DCLK1: variants seen among roughly 807,000 people sequenced by gnomAD.
The protein encoded by DCLK1 is doublecortin like kinase 1.
A neutral mutation model predicts 86.2 loss-of-function variants in DCLK1; 16 were observed. The observed-to-expected ratio is 0.19, with a 90% CI of 0.13 to 0.28. The LOEUF is 0.28. Ranked by LOEUF, DCLK1 falls within the 10% of genes least tolerant of loss-of-function variation. The pLI is 1.00. For missense variants in DCLK1, 590 were observed against 940.2 expected, an observed-to-expected ratio of 0.63 and a Z score of 4.87; for synonymous variants, 369 against 370.5, an observed-to-expected ratio of 1.00 and a Z score of 0.05.
chr13:35,779,976 C>G (rs1386652793), intron 16 of DCLK1, among the ~76,000 whole-genome samples: 2 of 142,814 alleles, frequency 1.4e-5, no homozygotes. Flanking sequence ...AAATTTCTTC[C>G]CCGCCCCTGA....
At chr13:35,847,822 T>G in intron 6 of DCLK1, 1 of 985,226 alleles carries the variant, frequency 1.0e-6, no homozygotes, top group South Asian at 4.7e-5. Context: ...CGCACAGGGA[T>G]GTATACAGAT....
intron 3 of DCLK1, among the ~76,000 whole-genome samples, chr13:35,991,391 G>A (rs956964950): frequency 1.3e-5 from 2 of 152,108 alleles, no homozygotes; most frequent in African/African-American, 4.8e-5. Context: ...GCCAGATGTG[G>A]TGGCTCACAT....
At position 36,065,155 on chromosome 13, in the gene DCLK1, C is replaced by T. The variant is rs1435020931; in HGVS notation, c.723+46714G>A. Among the ~76,000 whole-genome samples, 3 of 152,196 alleles carry T rather than the reference C, an allele frequency of 2.0e-5. No individual in the cohort carries two copies. The East Asian group carries it at 5.8e-4, about 29-fold the overall frequency. On this transcript the variant is annotated intron_variant, in intron 3 of 16. Coordinates refer to ENST00000360631, the MANE Select transcript of DCLK1 (RefSeq NM_001330071.2). ...GTCTAGGATTTCCCAGAGAAATGAT[C>T]TGAATTGAAATCCCACCTCTACCAC... is the stretch of plus-strand genomic sequence containing the variant.
intron 4 of DCLK1, among the ~76,000 whole-genome samples, chr13:35,894,841 C>A (rs1288969171): frequency 6.6e-6 from 1 of 152,322 alleles, no homozygotes; most frequent in East Asian, 1.9e-4. Flanking sequence ...TGACCATGAC[C>A]TCTATTTTCA....
rs376386814 is a variant in DCLK1 at position 36,034,866 on chromosome 13, A to G, written c.723+77003T>C. ...CACGCCGCCTCTTCCCATTTGAAAGAAAGGGTGTTGGTAAGGAGAAAGTTC... is the reference window on the plus strand; with the variant it reads ...CACGCCGCCTCTTCCCATTTGAAAGGAAGGGTGTTGGTAAGGAGAAAGTTC... On this transcript the variant is annotated intron_variant, in intron 3 of 16. Transcript: ENST00000360631. 1.2e-4 allele frequency among the ~76,000 whole-genome samples: 18 copies of G among 152,306 alleles called. No homozygotes were observed. In the East Asian group the frequency reaches 2.3e-3, roughly 20 times the overall value.
At chr13:35,904,595 G>A (rs1025818542) in intron 4 of DCLK1, among the ~76,000 whole-genome samples, 10 of 152,180 alleles carry the variant, frequency 6.6e-5, no homozygotes, top group African/African-American at 2.4e-4. Flanking sequence ...GGTGGGTGCT[G>A]GATGGCATAT....
chr13:35,991,237 T>C (rs185939291), intron 3 of DCLK1, among the ~76,000 whole-genome samples: 16 of 152,300 alleles, frequency 1.1e-4, no homozygotes, highest in African/African-American at 3.6e-4. Context: ...CCCCCACTTA[T>C]TACCATTAGA....
intron 3 of DCLK1, among the ~76,000 whole-genome samples, chr13:36,007,598 A>C (rs1881036795): frequency 6.6e-6 from 1 of 152,212 alleles, no homozygotes; most frequent in Admixed American, 6.5e-5. Flanking sequence ...CACTAAGGGA[A>C]CCGGAAGATA....
intron 3 of DCLK1, among the ~76,000 whole-genome samples, chr13:36,032,972 T>C (rs1400661056): frequency 6.6e-6 from 1 of 152,172 alleles, no homozygotes; most frequent in Non-Finnish European, 1.5e-5. Context: ...AGGCAGTAGC[T>C]GGGACCTAGT....
intron 4 of DCLK1, among the ~76,000 whole-genome samples, chr13:35,938,250 G>A (rs1001712947): frequency 2.0e-5 from 3 of 152,118 alleles, no homozygotes; most frequent in African/African-American, 7.2e-5. Context: ...GAGGGCAGTG[G>A]GTGGTATTTG....
At chr13:35,793,118 A>C (rs555458592) in intron 16 of DCLK1, among the ~76,000 whole-genome samples, 2 of 152,300 alleles carry the variant, frequency 1.3e-5, no homozygotes, top group Admixed American at 1.3e-4. Flanking sequence ...AAATAAATAA[A>C]TCATAAAATT....
chr13:36,107,960 C>T (rs1172663950), intron 3 of DCLK1, among the ~76,000 whole-genome samples: 2 of 152,116 alleles, frequency 1.3e-5, no homozygotes, highest in African/African-American at 4.8e-5. Flanking sequence ...GACTCTCAGA[C>T]TCTAAGATCC....
At chr13:35,817,920 T>C (rs1375238892) in intron 11 of DCLK1, among the ~76,000 whole-genome samples, 2 of 152,208 alleles carry the variant, frequency 1.3e-5, no homozygotes, top group East Asian at 1.9e-4. Context: ...ACACCAAAAC[T>C]AACTTAGTCT....
chr13:35,823,230 C>T (rs2087438030), intron 10 of DCLK1, among the ~76,000 whole-genome samples: 1 of 152,142 alleles, frequency 6.6e-6, no homozygotes, highest in African/African-American at 2.4e-5. Context: ...GCATGTGCTA[C>T]CTGCCTCACA....
rs140695887 is a variant in DCLK1 at position 35,819,750 on chromosome 13, C to T, written c.1554+2979G>A. ...TGCCATGAGGTGGCAAATCCATGCA[C>T]AGGTGAATAGTAAAATTTCTAAAGC... On this transcript the variant is annotated intron_variant, in intron 11 of 16. Coordinates refer to ENST00000360631, the MANE Select transcript of DCLK1 (RefSeq NM_001330071.2). Among the ~76,000 whole-genome samples, 110 of 151,154 alleles carry T rather than the reference C, an allele frequency of 7.3e-4. 1 individual carries two copies. The highest frequency in any genetic ancestry group is 2.6e-3 in the African/African-American group (107 of 41,102).
chr13:35,855,423 A>C, intron 5 of DCLK1: 1 of 1,312,124 alleles, frequency 7.6e-7, no homozygotes, highest in Middle Eastern at 1.8e-4. Context: ...CAGTCAGTGA[A>C]GTAGAATTAA....
chr13:35,793,466 G>C lies in DCLK1; in HGVS notation c.1958C>G (p.Pro653Arg), dbSNP rs763441974. The C allele has an allele frequency of 2.3e-5, 37 of 1,602,728 alleles. No individual in the cohort carries two copies. In the South Asian group the frequency reaches 4.0e-4, roughly 17 times the overall value. ...EHPWVNDDGL[P>R]ENEHQLSVAG... ...TACTGACAGCTGATGTTCATTTTCT[G>C]GGAGGCCATCATCCTGGAGAAAAAG... Residue 653 changes from proline to arginine, a missense_variant, in exon 16 of 17, where the codon CCA becomes CGA. Pro to Arg is a moderately radical substitution (Grantham distance 103, BLOSUM62 -2). This residue lies in a region of DCLK1 where 146 missense variants were observed against 190.2 expected (regional missense o/e 0.77). Coordinates refer to ENST00000360631, the MANE Select transcript of DCLK1 (RefSeq NM_001330071.2).
chr13:35,809,834 T>C (rs2087105269), intron 12 of DCLK1, among the ~76,000 whole-genome samples: 1 of 152,190 alleles, frequency 6.6e-6, no homozygotes, highest in Non-Finnish European at 1.5e-5. Flanking sequence ...CCTATTGGGA[T>C]TCCCTTCTCA....
intron 16 of DCLK1, among the ~76,000 whole-genome samples, chr13:35,777,476 C>A (rs2086443163): frequency 1.3e-5 from 2 of 152,210 alleles, no homozygotes; most frequent in South Asian, 2.1e-4. Context: ...ATTAAAGTCA[C>A]TGCACTCCCA....
Sources: gnomAD v4.1 joint callset for allele counts (sites outside exome capture counted in the v4.1 genomes callset) on GRCh38, gnomAD v4.1.1 for gene constraint, gnomAD v4.1.1 regional missense constraint, MANE v1.5 for transcripts, NCBI Gene and HGNC (gene_info 2026-07-23, HGNC 2026-07-21) for gene names.